SH3BGR: variants seen among roughly 807,000 people sequenced by gnomAD.
SH3BGR encodes SH3 domain binding glutamate rich protein.
A neutral mutation model predicts 24.5 loss-of-function variants in SH3BGR; 29 were observed. That is an observed-to-expected ratio of 1.18 (90% confidence interval 0.88 to 1.61). The LOEUF (loss-of-function observed/expected upper bound fraction) is 1.61. Ranked by LOEUF, SH3BGR falls within the 40% of genes most tolerant of loss-of-function variation. SH3BGR has a pLI of 0.00. For synonymous variants in SH3BGR, 55 were observed against 65.7 expected (o/e 0.84, Z 0.79); for missense variants, 162 against 205.8 (o/e 0.79, Z 1.30).
At chr21:39,507,555 A>C (rs2078604358) in intron 4 of SH3BGR, among the ~76,000 whole-genome samples, 1 of 151,814 alleles carries the variant, frequency 6.6e-6, no homozygotes, top group Non-Finnish European at 1.5e-5. Context: ...CTGGTCTCAA[A>C]CTCCTGATCT....
Position 39,502,342 on chromosome 21 carries a change from G to A in SH3BGR, c.405+2427G>A, listed in dbSNP as rs558570422. ...ATGAGACACATCCTAGTAGTTTCAT[G>A]TAGGTATGACACCTCAGATAAATCC... is the stretch of plus-strand genomic sequence containing the variant. On this transcript the variant is annotated intron_variant, in intron 4 of 6. Coordinates refer to ENST00000333634, the MANE Select transcript of SH3BGR (RefSeq NM_007341.3). Among the ~76,000 whole-genome samples the A allele has an allele frequency of 2.0e-5, 3 of 152,314 alleles. No homozygotes were observed. The South Asian group carries it at 6.2e-4, about 32-fold the overall frequency.
At chr21:39,465,296 T>G (rs558876287) in intron 2 of SH3BGR, among the ~76,000 whole-genome samples, 2 of 152,166 alleles carry the variant, frequency 1.3e-5, no homozygotes, top group African/African-American at 2.4e-5. Flanking sequence ...CAGGACCCCA[T>G]CCACAGGAGG....
At chr21:39,470,535 G>A (rs1023278813) in intron 2 of SH3BGR, among the ~76,000 whole-genome samples, 1 of 152,080 alleles carries the variant, frequency 6.6e-6, no homozygotes, top group African/African-American at 2.4e-5. Flanking sequence ...GTGCTGGGAT[G>A]ACAGATGTGA....
At chr21:39,486,369 C>A (rs2078213003) in intron 3 of SH3BGR, among the ~76,000 whole-genome samples, 1 of 152,058 alleles carries the variant, frequency 6.6e-6, no homozygotes, top group African/African-American at 2.4e-5. Context: ...AGGCCTATTT[C>A]AAAGAATACA....
At chr21:39,455,678 C>T (rs1160870442) in intron 1 of SH3BGR, among the ~76,000 whole-genome samples, 2 of 152,192 alleles carry the variant, frequency 1.3e-5, no homozygotes, top group African/African-American at 4.8e-5. Context: ...TGCAGCAAGA[C>T]GACAGTGCCG....
At chr21:39,460,819 C>G (rs2077742987) in intron 1 of SH3BGR, among the ~76,000 whole-genome samples, 1 of 151,936 alleles carries the variant, frequency 6.6e-6, no homozygotes, top group African/African-American at 2.4e-5. Context: ...AGACAGGGTC[C>G]CGCTTTGTCA....
At chr21:39,458,681 C>G (rs1874675462) in intron 1 of SH3BGR, among the ~76,000 whole-genome samples, 1 of 148,692 alleles carries the variant, frequency 6.7e-6, no homozygotes, top group Non-Finnish European at 1.5e-5. Context: ...GAGTCTTACT[C>G]TTTCACCCAG....
intron 2 of SH3BGR, among the ~76,000 whole-genome samples, chr21:39,466,486 C>T (rs146953400): frequency 4.5e-4 from 69 of 152,204 alleles, no homozygotes; most frequent in Non-Finnish European, 5.7e-4. Flanking sequence ...TTCATTCTCA[C>T]GCTGCTAATA....
intron 1 of SH3BGR, among the ~76,000 whole-genome samples, chr21:39,461,409 C>G (rs570161616): frequency 6.6e-6 from 1 of 152,130 alleles, no homozygotes; most frequent in Non-Finnish European, 1.5e-5. Flanking sequence ...AGTGCTGGGA[C>G]TATAGGTGTG....
Position 39,511,776 on chromosome 21 carries a change from G to A in SH3BGR, c.*1G>A. On this transcript the variant is annotated 3_prime_UTR_variant, in exon 6 of 7. Coordinates refer to ENST00000333634, the MANE Select transcript of SH3BGR (RefSeq NM_007341.3). This position sits in a 1 kb window ranked among gnomAD's most constrained non-coding sequence, Gnocchi z 4.2. Reference sequence around the variant, plus strand: ...GCCTGGAGAAGACGAAGATTCCTAGGCCTTTTCATGCTTCATTTCTTCCAC... The same window carrying A: ...GCCTGGAGAAGACGAAGATTCCTAGACCTTTTCATGCTTCATTTCTTCCAC... The A allele has an allele frequency of 6.2e-7, 1 of 1,608,548 alleles. No homozygotes were observed. Among genetic ancestry groups the A allele is most frequent in the Non-Finnish European group, 8.5e-7 (1 of 1,178,674 alleles).
At chr21:39,514,924 A>G (rs926910993) in intron 6 of SH3BGR, among the ~76,000 whole-genome samples, 164 bp from the exon 7 acceptor site, 16 of 152,254 alleles carry the variant, frequency 1.1e-4, no homozygotes, top group African/African-American at 3.9e-4. Context: ...TTAGTTTTCC[A>G]TGAGACAAAT....
chr21:39,480,319 A>G (rs1447743310), intron 3 of SH3BGR, among the ~76,000 whole-genome samples: 1 of 152,136 alleles, frequency 6.6e-6, no homozygotes, highest in Non-Finnish European at 1.5e-5. Context: ...CTTAAAAGAA[A>G]CCCAGTACCC....
chr21:39,488,676 G>T, intron 3 of SH3BGR: 1 of 396,574 alleles, frequency 2.5e-6, no homozygotes, highest in Non-Finnish European at 5.0e-6. Flanking sequence ...CTGAAATCCG[G>T]CAAGTCCTTG....
intron 3 of SH3BGR, among the ~76,000 whole-genome samples, chr21:39,495,357 C>G (rs2078375286): frequency 6.6e-6 from 1 of 152,172 alleles, no homozygotes; most frequent in South Asian, 2.1e-4. Context: ...TTTGTTTCAG[C>G]AGGCATTTAC....
chr21:39,457,503 T>A (rs2077681308), intron 1 of SH3BGR, among the ~76,000 whole-genome samples: 1 of 146,168 alleles, frequency 6.8e-6, no homozygotes, highest in African/African-American at 2.5e-5. Flanking sequence ...ATATATATGA[T>A]TATTATATAT....
intron 3 of SH3BGR, among the ~76,000 whole-genome samples, chr21:39,490,223 AAC>A (rs1569166502): frequency 6.6e-6 from 1 of 152,230 alleles, no homozygotes; most frequent in Non-Finnish European, 1.5e-5. Context: ...AGCTGAGGAA[AAC>A]AGAGTGAAGA....
At chr21:39,462,590 CTG>C (rs746156386) in intron 2 of SH3BGR, 30 bp downstream of exon 2, 29 of 1,452,074 alleles carry the variant, frequency 2.0e-5, no homozygotes, top group South Asian at 5.8e-5. Context: ...AAAAATCCTG[CTG>C]TGTGTGTGTT....
At chr21:39,508,947 A>T in intron 4 of SH3BGR, 51 bp from the exon 5 acceptor site, 1 of 1,397,408 alleles carries the variant, frequency 7.2e-7, no homozygotes, top group Non-Finnish European at 9.9e-7. Flanking sequence ...ATTTGACTTT[A>T]AACGTACTTG....
intron 1 of SH3BGR, among the ~76,000 whole-genome samples, chr21:39,459,893 C>T (rs1299555362): frequency 6.6e-6 from 1 of 152,132 alleles, no homozygotes; most frequent in Non-Finnish European, 1.5e-5. Context: ...GTAAGTTTCT[C>T]CCTGTGGTTA....
Sources: allele counts gnomAD v4.1 joint callset (sites outside exome capture counted in the v4.1 genomes callset), GRCh38; gene constraint gnomAD v4.1.1; non-coding constraint Gnocchi (gnomAD v3.1); transcripts MANE v1.5; gene names NCBI Gene and HGNC (gene_info 2026-07-23, HGNC 2026-07-21).